HMBOX1: variants seen among roughly 807,000 people sequenced by gnomAD.
The protein encoded by HMBOX1 is homeobox-containing protein 1.
In HMBOX1, 14 loss-of-function variants were observed where a neutral mutation model predicts 54.5. The observed-to-expected ratio is 0.26, with a 90% CI of 0.17 to 0.40. The LOEUF (loss-of-function observed/expected upper bound fraction) is 0.40. Among genes scored for constraint, HMBOX1 ranks in the 10% least tolerant of loss-of-function variants. The pLI, the probability that HMBOX1 is intolerant of heterozygous loss-of-function variation, is 1.00. For synonymous variants in HMBOX1, 160 were observed against 181.0 expected (o/e 0.88, Z 0.93); for missense variants, 332 against 514.4 (o/e 0.65, Z 3.43).
intron 1 of HMBOX1, among the ~76,000 whole-genome samples, chr8:28,911,794 GT>G (rs1258919159): frequency 6.6e-6 from 1 of 152,002 alleles, no homozygotes; most frequent in Non-Finnish European, 1.5e-5. Flanking sequence ...ATAGATTTTG[GT>G]ATCTGCAGGG....
intron 1 of HMBOX1, among the ~76,000 whole-genome samples, chr8:28,910,932 A>G (rs1311078243): frequency 1.3e-5 from 2 of 152,206 alleles, no homozygotes; most frequent in Admixed American, 6.5e-5. Flanking sequence ...GTGACAGGGT[A>G]CCTTACTCTG....
At chr8:29,007,419 A>G (rs922010306) in intron 4 of HMBOX1, among the ~76,000 whole-genome samples, 1 of 152,260 alleles carries the variant, frequency 6.6e-6, no homozygotes, top group Non-Finnish European at 1.5e-5. Context: ...TACAGTGCCT[A>G]CATTACATGA....
intron 6 of HMBOX1, among the ~76,000 whole-genome samples, chr8:29,021,465 A>G (rs1354333460): frequency 6.6e-6 from 1 of 152,142 alleles, no homozygotes; most frequent in Admixed American, 6.5e-5. Context: ...TGCAACTTTT[A>G]TTATCCCTAA....
chr8:28,953,292 G>A (rs1463062371), intron 1 of HMBOX1, among the ~76,000 whole-genome samples: 1 of 152,174 alleles, frequency 6.6e-6, no homozygotes, highest in Non-Finnish European at 1.5e-5. Context: ...CCATGTGTCT[G>A]TCTCTCAAGT....
chr8:28,906,575 T>G (rs919412835), intron 1 of HMBOX1, among the ~76,000 whole-genome samples: 17 of 152,312 alleles, frequency 1.1e-4, no homozygotes, highest in African/African-American at 3.8e-4. Context: ...TTTTTGAAAA[T>G]GATGACTTAT....
chr8:28,968,730 G>A (rs1161800459), intron 2 of HMBOX1, among the ~76,000 whole-genome samples: 1 of 152,214 alleles, frequency 6.6e-6, no homozygotes, highest in Non-Finnish European at 1.5e-5. Context: ...GAAAGATGAA[G>A]AAATTTCTTG....
chr8:28,989,610 A>G (rs565571998), intron 4 of HMBOX1, among the ~76,000 whole-genome samples: 2 of 152,334 alleles, frequency 1.3e-5, no homozygotes, highest in African/African-American at 4.8e-5. Flanking sequence ...GTAGATTATT[A>G]TAAGTCTTGA....
chr8:29,012,501 G>T (rs1246101427), intron 5 of HMBOX1, among the ~76,000 whole-genome samples: 1 of 152,138 alleles, frequency 6.6e-6, no homozygotes, highest in Non-Finnish European at 1.5e-5. Context: ...AGTAAAAAAG[G>T]TACATAACAG....
At chr8:28,902,765 A>G (rs894569139) in intron 1 of HMBOX1, among the ~76,000 whole-genome samples, 1 of 89,904 alleles carries the variant, frequency 1.1e-5, no homozygotes, top group Admixed American at 1.4e-4. Flanking sequence ...GAAGGCAGTC[A>G]TGCAGGCCTG....
chr8:29,021,102 G>A (rs1801075599), intron 6 of HMBOX1, among the ~76,000 whole-genome samples: 1 of 152,148 alleles, frequency 6.6e-6, no homozygotes, highest in African/African-American at 2.4e-5. Context: ...TTGAGCCCAG[G>A]AGTTTGAGGT....
rs1328426753 is a variant in HMBOX1, at chr8:28,987,867, C to T, written c.586+7711C>T. Among the ~76,000 whole-genome samples the T allele has an allele frequency of 5.3e-5, 8 of 152,152 alleles. No homozygotes were observed. The East Asian group carries it at 1.5e-3, about 29-fold the overall frequency. On this transcript the variant is annotated intron_variant, in intron 4 of 9. Transcript: ENST00000287701. ...CTGTGTCAACTTCAGCTAAATTTAA[C>T]TATATCATTTGATTCTCACAAAATA...
chr8:28,897,633 G>A (rs1054021666), intron 1 of HMBOX1, among the ~76,000 whole-genome samples: 2 of 152,174 alleles, frequency 1.3e-5, no homozygotes, highest in Non-Finnish European at 2.9e-5. Flanking sequence ...CCAAGGTGGC[G>A]CCACTGCACA....
Position 29,032,832 on chromosome 8 carries a change from C to T in HMBOX1, c.852-12529C>T, listed in dbSNP as rs559108151. On this transcript the variant is annotated intron_variant, in intron 6 of 9. Coordinates refer to ENST00000287701, the MANE Select transcript of HMBOX1 (RefSeq NM_001135726.3). ...AATATTACCACCCTCTTTCCCCCAC[C>T]GTACATGTTAGACTCAAGGTGGGAG... Among the ~76,000 whole-genome samples the T allele has an allele frequency of 4.6e-5, 7 of 152,212 alleles. No homozygotes were observed. In the South Asian group the frequency reaches 1.5e-3, roughly 32 times the overall value.
intron 1 of HMBOX1, among the ~76,000 whole-genome samples, chr8:28,938,988 C>T (rs1563427295): frequency 6.6e-6 from 1 of 151,992 alleles, no homozygotes; most frequent in Non-Finnish European, 1.5e-5. Context: ...AAGACTTTGT[C>T]TCTTTAAAAA....
At chr8:28,929,452 A>T (rs973993569) in intron 1 of HMBOX1, among the ~76,000 whole-genome samples, 10 of 152,182 alleles carry the variant, frequency 6.6e-5, no homozygotes, top group African/African-American at 2.2e-4. Context: ...GGTGATGGCT[A>T]TTGATAGAGA....
chr8:28,951,386 C>T (rs28510327), intron 1 of HMBOX1, among the ~76,000 whole-genome samples: 4,696 of 152,298 alleles, frequency 0.031, 224 homozygotes, highest in African/African-American at 0.11. Context: ...CCACCTCAGC[C>T]TCCCAAAGTG....
intron 8 of HMBOX1, among the ~76,000 whole-genome samples, chr8:29,047,812 C>T (rs1805822688): frequency 6.6e-6 from 1 of 152,224 alleles, no homozygotes. Flanking sequence ...GGTGATCCGT[C>T]CGCCTCGGCC....
Position 28,934,378 on chromosome 8 carries a change from T to A in HMBOX1, c.-57-29433T>A, listed in dbSNP as rs368776061. On this transcript the variant is annotated intron_variant, in intron 1 of 9. Transcript: ENST00000287701. ...TTGTACTTGATGGTCAAAGACTGAA[T>A]GAATGCTTTTCTCTTGGGACTGGCA... Among the ~76,000 whole-genome samples the A allele has an allele frequency of 1.7e-4, 26 of 152,318 alleles. No homozygotes were observed. In the East Asian group the frequency reaches 2.5e-3, roughly 15 times the overall value.
chr8:28,929,433 G>A (rs1015860735), intron 1 of HMBOX1, among the ~76,000 whole-genome samples: 2 of 152,174 alleles, frequency 1.3e-5, no homozygotes, highest in East Asian at 3.9e-4. Context: ...GGGTAGTAGT[G>A]GTGGCAGTGG....
Sources: allele counts gnomAD v4.1 joint callset (sites outside exome capture counted in the v4.1 genomes callset), GRCh38; gene constraint gnomAD v4.1.1; transcripts MANE v1.5; gene names NCBI Gene and HGNC (gene_info 2026-07-23, HGNC 2026-07-21).